Variants in C2CD3 observed in about 807,000 individuals in gnomAD.
The protein encoded by C2CD3 is C2 domain containing 3 centriole elongation regulator.
A neutral mutation model predicts 234.0 loss-of-function variants in C2CD3; 148 were observed. The ratio of observed to expected loss-of-function variants is 0.63; its 90% CI spans 0.55 to 0.72. C2CD3 has a LOEUF of 0.72. Ranked by LOEUF, C2CD3 falls within the 30% of genes least tolerant of loss-of-function variation. The pLI is 0.00. For missense variants in C2CD3, 2,577 were observed against 2,811.5 expected (o/e 0.92, Z 1.89); for synonymous variants, 1,000 against 1,035.4 (o/e 0.97, Z 0.66).
intron 20 of C2CD3, 102 bp downstream of exon 20, chr11:74,090,711 G>A (rs1955856996): frequency 7.8e-7 from 1 of 1,282,472 alleles, no homozygotes; most frequent in African/African-American, 1.5e-5. Flanking sequence ...TGTGGTTAGT[G>A]AACTGGAAAT....
At chr11:74,131,677 C>T (rs61901245) in intron 7 of C2CD3, among the ~76,000 whole-genome samples, 26,188 of 151,668 alleles carry the variant, frequency 0.17, 2,511 homozygotes, top group East Asian at 0.3. Flanking sequence ...CCTCTGCCTC[C>T]AGGTTTCAAG....
At chr11:74,135,269 C>CTTT (rs111811054) in intron 5 of C2CD3, among the ~76,000 whole-genome samples, 1 of 140,922 alleles carries the variant, frequency 7.1e-6, no homozygotes, top group Non-Finnish European at 1.6e-5. Context: ...TTATTTAAAA[C>CTTT]TTTTTTTTTT....
At chr11:74,037,383 G>T in intron 30 of C2CD3, 95 bp downstream of exon 30, 37 of 906,938 alleles carry the variant, frequency 4.1e-5, no homozygotes, top group Non-Finnish European at 5.9e-5. Context: ...GTCTCTATTT[G>T]TCATAGGGGC....
Position 74,034,014 on chromosome 11 carries a change from C to G in C2CD3, c.6146G>C (p.Ser2049Thr), listed in dbSNP as rs1420641073. Residue 2049 changes from serine (S) to threonine (T), a missense_variant, in exon 31 of 33, where the codon AGC becomes ACC. Physicochemically the swap from Ser to Thr is moderately conservative, Grantham distance 58. Coordinates refer to ENST00000334126, the MANE Select transcript of C2CD3 (RefSeq NM_001286577.2). Reference protein sequence around the residue: ...RHAVPITRMQSSEDTEAGPAY... With the variant: ...RHAVPITRMQTSEDTEAGPAY... ...TGGGCCTGCCTCAGTGTCTTCACTGCTCTGCATCCTTGTAATGGGTACTGC... is the reference window on the plus strand; with the variant it reads ...TGGGCCTGCCTCAGTGTCTTCACTGGTCTGCATCCTTGTAATGGGTACTGC... The G allele has an allele frequency of 2.6e-6, 4 of 1,536,400 alleles. No homozygotes were observed. Among genetic ancestry groups the G allele is most frequent in the Non-Finnish European group, 3.5e-6 (4 of 1,146,992 alleles).
Position 74,057,556 on chromosome 11 carries a change from T to C in C2CD3, c.4952-12A>G. On this transcript the variant is annotated splice_polypyrimidine_tract_variant and intron_variant, in intron 24 of 32. Coordinates refer to ENST00000334126, the MANE Select transcript of C2CD3 (RefSeq NM_001286577.2). ...TGTCAAGGGGCTCCCTGAAATAGAATAAAGTGCAGTGACTGTACTTTAGGG... is the reference window on the plus strand; with the variant it reads ...TGTCAAGGGGCTCCCTGAAATAGAACAAAGTGCAGTGACTGTACTTTAGGG... 1.2e-6 allele frequency: 2 copies of C among 1,614,038 alleles called. No homozygotes were observed. The highest frequency in any genetic ancestry group is 1.7e-6 in the Non-Finnish European group (2 of 1,179,920).
At chr11:74,153,507 T>C (rs923351175) in intron 3 of C2CD3, among the ~76,000 whole-genome samples, 11 of 152,194 alleles carry the variant, frequency 7.2e-5, no homozygotes, top group Admixed American at 6.5e-5. Flanking sequence ...CAAGCCTGCA[T>C]GATGCTAAGT....
At chr11:74,038,140 T>G (rs2135417506) in intron 29 of C2CD3, among the ~76,000 whole-genome samples, 1 of 152,324 alleles carries the variant, frequency 6.6e-6, no homozygotes. Context: ...TCTTCTGTGC[T>G]CCATAGTTCT....
chr11:74,041,793 C>T (rs1233099518), intron 29 of C2CD3, among the ~76,000 whole-genome samples: 1 of 152,134 alleles, frequency 6.6e-6, no homozygotes, highest in Admixed American at 6.5e-5. Context: ...TTTTGGTGAA[C>T]AATCTGAAGC....
At position 74,033,984 on chromosome 11, in the gene C2CD3, T is replaced by C. The variant is rs1952620307; in HGVS notation, c.6176A>G (p.Tyr2059Cys). ...SSEDTEAGPA[Y>C]SDEDYEEDII... The stretch of plus-strand genomic sequence containing the variant: ...GTCTTCTTCATAGTCCTCATCACTG[T>C]AGGCTGGGCCTGCCTCAGTGTCTTC... Residue 2059 changes from tyrosine to cysteine, a missense_variant, in exon 31 of 33, where the codon TAC becomes TGC. Transcript: ENST00000334126. The C allele has an allele frequency of 4.6e-6, 7 of 1,536,476 alleles. No homozygotes were observed. The highest frequency in any genetic ancestry group is 6.1e-6 in the Non-Finnish European group (7 of 1,146,982).
At chr11:74,034,684 C>T (rs1052614819) in intron 30 of C2CD3, 28 of 1,230,042 alleles carry the variant, frequency 2.3e-5, no homozygotes, top group Middle Eastern at 1.9e-4. Flanking sequence ...TATTTTACTT[C>T]GAAAATAAAA....
intron 24 of C2CD3, among the ~76,000 whole-genome samples, chr11:74,071,459 T>C (rs1269949390): frequency 2.6e-5 from 4 of 152,324 alleles, no homozygotes; most frequent in African/African-American, 9.6e-5. Context: ...GATCTGCCCA[T>C]TGTCTCTTTG....
intron 2 of C2CD3, among the ~76,000 whole-genome samples, chr11:74,166,990 C>G (rs1348885444): frequency 2.0e-5 from 3 of 152,170 alleles, no homozygotes; most frequent in Non-Finnish European, 2.9e-5. Flanking sequence ...AAACTCTAGA[C>G]TGTCTAGATG....
At chr11:74,165,045 C>T (rs1028024878) in intron 2 of C2CD3, among the ~76,000 whole-genome samples, 8 of 151,748 alleles carry the variant, frequency 5.3e-5, no homozygotes, top group Non-Finnish European at 1.0e-4. Flanking sequence ...CACTCCAGCC[C>T]GGCTGTCTGA....
chr11:74,125,051 A>G (rs566853823), intron 7 of C2CD3, among the ~76,000 whole-genome samples: 1 of 152,236 alleles, frequency 6.6e-6, no homozygotes, highest in Non-Finnish European at 1.5e-5. Flanking sequence ...CTATTTTGAA[A>G]GTCAAATACG....
Position 74,170,838 on chromosome 11 carries a change from C to G in C2CD3, c.-46G>C. 2 of 1,613,738 alleles carry G rather than the reference C, an allele frequency of 1.2e-6. No individual in the cohort carries two copies. The highest frequency in any genetic ancestry group is 1.1e-5 in the South Asian group (1 of 91,042). Reference sequence around the variant, plus strand: ...CACCAGCTCAACTCCGTCTCCAGCACCTAAGCAGTATCCTCCCGCCATCCC... The same window carrying G: ...CACCAGCTCAACTCCGTCTCCAGCAGCTAAGCAGTATCCTCCCGCCATCCC... On this transcript the variant is annotated 5_prime_UTR_variant, in exon 1 of 33. Coordinates refer to ENST00000334126, the MANE Select transcript of C2CD3 (RefSeq NM_001286577.2).
chr11:74,100,351 A>G (rs1396169148), intron 15 of C2CD3, among the ~76,000 whole-genome samples, 174 bp downstream of exon 15: 1 of 152,260 alleles, frequency 6.6e-6, no homozygotes, highest in Non-Finnish European at 1.5e-5. Flanking sequence ...CATGGTAAGC[A>G]ATATCTCTAA....
chr11:74,085,449 T>G (rs925568835), intron 21 of C2CD3, 169 bp downstream of exon 21: 2 of 644,492 alleles, frequency 3.1e-6, no homozygotes, highest in Non-Finnish European at 5.2e-6. Flanking sequence ...ATCTTTCTCT[T>G]ACATACTTAG....
rs769431118 is a variant in C2CD3, at chr11:74,139,631, G to A, written c.681C>T (p.Ala227=). Residue 227 remains alanine (A), a synonymous_variant, in exon 4 of 33, where the codon GCC becomes GCT. Coordinates refer to ENST00000334126, the MANE Select transcript of C2CD3 (RefSeq NM_001286577.2). ...TIKIDGKELA[A]NSSRSTTPRG... Reference sequence around the variant, plus strand: ...TCGGAGTGGTTGATCTACTGCTGTTGGCTGCTAACTCTTTTCCATCAATTT... The same window carrying A: ...TCGGAGTGGTTGATCTACTGCTGTTAGCTGCTAACTCTTTTCCATCAATTT... 14 of 1,613,542 alleles carry A rather than the reference G, an allele frequency of 8.7e-6. No homozygotes were observed. In the South Asian group the frequency reaches 1.5e-4, roughly 18 times the overall value.
chr11:74,111,919 TACACACACACACACACACACAC>T (rs61499954), intron 11 of C2CD3, among the ~76,000 whole-genome samples: 17 of 125,112 alleles, frequency 1.4e-4, no homozygotes, highest in Admixed American at 2.5e-4. Context: ...TATTTGCTGA[TACACACACACACACACACACAC>T]ACACACACAC....
Sources: allele counts gnomAD v4.1 joint callset (sites outside exome capture counted in the v4.1 genomes callset), GRCh38; gene constraint gnomAD v4.1.1; transcripts MANE v1.5; gene names NCBI Gene and HGNC (gene_info 2026-07-23, HGNC 2026-07-21).